The following AP1M2 variants were observed in gnomAD, a reference collection of about 807,000 sequenced individuals.
The protein encoded by AP1M2 is AP-1 complex subunit mu-2.
A neutral mutation model predicts 54.6 loss-of-function variants in AP1M2; 41 were observed. The observed-to-expected ratio is 0.75, with a 90% CI of 0.59 to 0.97. The LOEUF (loss-of-function observed/expected upper bound fraction) is 0.97. Among genes scored for constraint, AP1M2 ranks in the 50% least tolerant of loss-of-function variants. The pLI, the probability that AP1M2 is intolerant of heterozygous loss-of-function variation, is 0.00. For missense variants in AP1M2, 507 were observed against 561.2 expected (o/e 0.90, Z 0.98); for synonymous variants, 219 against 215.9 (o/e 1.01, Z -0.13).
chr19:10,578,767 G>T (rs989454521), intron 8 of AP1M2, 125 bp downstream of exon 8: 3 of 602,682 alleles, frequency 5.0e-6, no homozygotes, highest in Non-Finnish European at 8.7e-6. Flanking sequence ...GCCCAGGCTG[G>T]TCTCAAAGTC....
intron 1 of AP1M2, chr19:10,585,106 T>G (rs1473118748): frequency 6.6e-6 from 1 of 151,648 alleles, no homozygotes; most frequent in African/African-American, 2.4e-5. Context: ...TCACAGCTAC[T>G]CTGGAGGCTA....
At chr19:10,578,309 T>C (rs745808343) in intron 8 of AP1M2, among the ~76,000 whole-genome samples, 4 of 152,022 alleles carry the variant, frequency 2.6e-5, no homozygotes, top group Non-Finnish European at 4.4e-5. Context: ...GGGCCACACC[T>C]GTAATCCCAG....
In AP1M2 at chr19:10,574,118, G is replaced by C. The variant is rs146820435; in HGVS notation, c.1249+299C>G. ...GCTCACTGCAACCTCCACCTCCCGG[G>C]TTCAAGCAATTCTGCCTCAGCTTCC... On this transcript the variant is annotated intron_variant, in intron 11 of 11. Coordinates refer to ENST00000250244, the MANE Select transcript of AP1M2 (RefSeq NM_005498.5). Among the ~76,000 whole-genome samples the C allele has an allele frequency of 8.6e-4, 131 of 152,252 alleles. 4 individuals carry two copies. In the East Asian group the frequency reaches 0.024, roughly 28 times the overall value.
At chr19:10,575,830 G>A (rs1470843414) in intron 9 of AP1M2, among the ~76,000 whole-genome samples, 16 of 146,354 alleles carry the variant, frequency 1.1e-4, no homozygotes, top group Non-Finnish European at 1.9e-4. Flanking sequence ...GTAGTGGTGC[G>A]GTCTTGGCTC....
chr19:10,577,465 ACT>A (rs2144758221), intron 8 of AP1M2, 109 bp from the exon 9 acceptor site: 1 of 1,114,396 alleles, frequency 9.0e-7, no homozygotes, highest in Admixed American at 4.1e-5. Flanking sequence ...ACGGAGTCTC[ACT>A]CTGTCGCCCA....
chr19:10,581,417 T>C (rs1422755508), intron 5 of AP1M2, 25 bp from the exon 6 acceptor site: 3 of 1,610,288 alleles, frequency 1.9e-6, no homozygotes, highest in African/African-American at 2.7e-5. Flanking sequence ...TGGGTATAGT[T>C]AGCAGGCATC....
chr19:10,576,600 T>C (rs1214116936), intron 9 of AP1M2, among the ~76,000 whole-genome samples: 1 of 151,964 alleles, frequency 6.6e-6, no homozygotes, highest in Non-Finnish European at 1.5e-5. Flanking sequence ...GTTTTCACCA[T>C]GTTGGCCAGG....
intron 8 of AP1M2, 110 bp downstream of exon 8, chr19:10,578,782 G>T: frequency 1.3e-6 from 1 of 746,588 alleles, no homozygotes; most frequent in Non-Finnish European, 2.2e-6. Context: ...AAAGTCCTGG[G>T]CTTAAGTGAT....
rs368922983 is a variant in AP1M2 at position 10,583,986 on chromosome 19, C to A, written c.127G>T (p.Glu43Ter). 6.2e-7 allele frequency: 1 copy of A among 1,606,774 alleles called. No individual in the cohort carries two copies. The highest frequency in any genetic ancestry group is 8.5e-7 in the Non-Finnish European group (1 of 1,176,888). The change falls in exon 2 of 12, where the codon GAA becomes TAA. Residue 43 changes from glutamate (E) to a stop codon, truncating the protein, a stop_gained. Coordinates refer to ENST00000250244, the MANE Select transcript of AP1M2 (RefSeq NM_005498.5). LOFTEE classifies it high-confidence loss of function. The part of the protein sequence containing the change: ...FMPLLVQREE[E>*]GALAPLLSHG... ...CTCAGCAGCGGGGCCAGGGCGCCTT[C>A]CTCCTCCCGCTGTACCAGCAAAGGC...
chr19:10,581,588 C>G lies in AP1M2; in HGVS notation c.445G>C (p.Val149Leu). 6.2e-7 allele frequency: 1 copy of G among 1,613,784 alleles called. No individual in the cohort carries two copies. Among genetic ancestry groups the G allele is most frequent in the Non-Finnish European group, 8.5e-7 (1 of 1,179,830 alleles). ...SNKLETGKSRVPPTVTNAVSW... is the reference protein window; with the variant it reads ...SNKLETGKSRLPPTVTNAVSW... ...ACAGCGTTGGTGACAGTGGGTGGCACCCGTGACTTGCCCGTCTCCAGCTTG... is the reference window on the plus strand; with the variant it reads ...ACAGCGTTGGTGACAGTGGGTGGCAGCCGTGACTTGCCCGTCTCCAGCTTG... Residue 149 changes from valine (V) to leucine (L), a missense_variant, in exon 5 of 12, where the codon GTG (valine) becomes CTG (leucine). Coordinates refer to ENST00000250244, the MANE Select transcript of AP1M2 (RefSeq NM_005498.5).
intron 9 of AP1M2, among the ~76,000 whole-genome samples, chr19:10,575,742 C>CTTTTTTCTTTTTTTTTCTTT (rs1395492919): frequency 6.8e-6 from 1 of 147,554 alleles, no homozygotes; most frequent in Non-Finnish European, 1.5e-5. Context: ...ACTTGTATTT[C>CTTTTTTCTTTTTTTTTCTTT]TTTTTTCTTT....
intron 8 of AP1M2, among the ~76,000 whole-genome samples, chr19:10,577,734 C>CTTT (rs61052727): frequency 7.9e-5 from 9 of 113,514 alleles, no homozygotes; most frequent in Non-Finnish European, 1.1e-4. Context: ...CATGCTTGGC[C>CTTT]TTTTTTTTTT....
intron 3 of AP1M2, among the ~76,000 whole-genome samples, 174 bp from the exon 4 acceptor site, chr19:10,582,052 CT>C (rs928990190): frequency 7.3e-4 from 109 of 148,670 alleles, no homozygotes; most frequent in Non-Finnish European, 6.7e-4. Flanking sequence ...TTTCTTTTTT[CT>C]TTTTTTTTTC....
At chr19:10,576,513 C>G (rs62128856) in intron 9 of AP1M2, among the ~76,000 whole-genome samples, 22,975 of 151,864 alleles carry the variant, frequency 0.15, 1,836 homozygotes, top group Middle Eastern at 0.18. Flanking sequence ...CCGCCCACCT[C>G]GGCCTCCCAA....
chr19:10,573,150 G>A, intron 11 of AP1M2, 62 bp from the exon 12 acceptor site: 2 of 1,462,958 alleles, frequency 1.4e-6, no homozygotes, highest in Non-Finnish European at 1.9e-6. Context: ...CGGGCACGGT[G>A]ACTCACGCTT....
intron 9 of AP1M2, 87 bp from the exon 10 acceptor site, chr19:10,575,116 C>T (rs1244870888): frequency 1.5e-6 from 2 of 1,313,666 alleles, no homozygotes; most frequent in African/African-American, 3.1e-5. Context: ...GTCAGATCTG[C>T]TCACAGCCCA....
chr19:10,575,715 A>T (rs1364233765), intron 9 of AP1M2, among the ~76,000 whole-genome samples: 1 of 149,154 alleles, frequency 6.7e-6, no homozygotes, highest in African/African-American at 2.5e-5. Flanking sequence ...TTGCATACAT[A>T]CGTACCTCTC....
intron 3 of AP1M2, among the ~76,000 whole-genome samples, chr19:10,582,085 C>G (rs1192663770): frequency 6.6e-6 from 1 of 152,000 alleles, no homozygotes; most frequent in East Asian, 1.9e-4. Context: ...GCACTGTCAC[C>G]CAGGCTGGAG....
intron 1 of AP1M2, 54 bp from the exon 2 acceptor site, chr19:10,584,124 G>T: frequency 6.4e-7 from 1 of 1,569,520 alleles, no homozygotes; most frequent in East Asian, 2.3e-5. Flanking sequence ...AACCTACCAC[G>T]CTGAGGAGGC....
Sources: gnomAD v4.1 joint callset for allele counts (sites outside exome capture counted in the v4.1 genomes callset) on GRCh38, gnomAD v4.1.1 for gene constraint, MANE v1.5 for transcripts, NCBI Gene and HGNC (gene_info 2026-07-23, HGNC 2026-07-21) for gene names.